Variants in NAALADL2 observed in about 807,000 individuals in gnomAD.
The protein encoded by NAALADL2 is N-acetylated alpha-linked acidic dipeptidase like 2, also known as inactive N-acetylated-alpha-linked acidic dipeptidase-like protein 2.
NAALADL2 carries 76 observed loss-of-function variants against 87.2 expected under a neutral mutation model. That is an observed-to-expected ratio of 0.87 (90% CI 0.72 to 1.05). The LOEUF (loss-of-function observed/expected upper bound fraction) is 1.05. Among genes scored for constraint, NAALADL2 ranks in the 50% least tolerant of loss-of-function variants. The probability of loss-of-function intolerance (pLI) is 0.00; values close to 1 mark genes in which losing one functional copy is unlikely to be tolerated. For synonymous variants in NAALADL2, 354 were observed against 331.0 expected (o/e 1.07, Z -0.75); for missense variants, 1,089 against 945.8 (o/e 1.15, Z -1.99).
chr3:175,067,273 A>AC (rs1318706825), intron 1 of NAALADL2, among the ~76,000 whole-genome samples: 14 of 152,164 alleles, frequency 9.2e-5, no homozygotes, highest in Admixed American at 9.2e-4. Flanking sequence ...GAGCTTTGGC[A>AC]CCGCAAAAGA....
chr3:175,169,473 A>AT (rs879900810), intron 2 of NAALADL2, among the ~76,000 whole-genome samples: 1 of 150,754 alleles, frequency 6.6e-6, no homozygotes, highest in Non-Finnish European at 1.5e-5. Context: ...ATATATATAT[A>AT]ATCTGTTGAC....
intron 9 of NAALADL2, among the ~76,000 whole-genome samples, chr3:175,537,982 A>G (rs1164784234): frequency 6.6e-6 from 1 of 152,186 alleles, no homozygotes; most frequent in Non-Finnish European, 1.5e-5. Flanking sequence ...GGCAAGGATA[A>G]TGTGTCTGAA....
chr3:175,362,492 T>C (rs1186122737), intron 5 of NAALADL2, among the ~76,000 whole-genome samples: 5 of 148,126 alleles, frequency 3.4e-5, no homozygotes, highest in South Asian at 2.2e-4. Flanking sequence ...ATTGTTCCTA[T>C]CCATGAGCAT....
intron 2 of NAALADL2, among the ~76,000 whole-genome samples, chr3:175,125,745 C>T (rs910896670): frequency 6.6e-6 from 1 of 152,002 alleles, no homozygotes; most frequent in Non-Finnish European, 1.5e-5. Context: ...CATCCAAGAA[C>T]ATATGTTAAG....
intron 11 of NAALADL2, among the ~76,000 whole-genome samples, chr3:175,723,489 T>C (rs1286037859): frequency 1.3e-5 from 2 of 152,154 alleles, no homozygotes; most frequent in South Asian, 2.1e-4. Context: ...CATGGTAATA[T>C]GAGTACCAAT....
intron 9 of NAALADL2, among the ~76,000 whole-genome samples, chr3:175,565,955 G>A (rs59272698): frequency 2.0e-5 from 3 of 150,128 alleles, no homozygotes; most frequent in Non-Finnish European, 3.0e-5. Flanking sequence ...TCAGCCTCCC[G>A]AGCAGCTGAG....
At chr3:175,300,204 G>A (rs781378314) in intron 4 of NAALADL2, among the ~76,000 whole-genome samples, 28 of 152,022 alleles carry the variant, frequency 1.8e-4, no homozygotes, top group Non-Finnish European at 3.4e-4. Context: ...TTTTATTGAG[G>A]ATTTCCGCAT....
chr3:175,562,023 A>C (rs563671731), intron 9 of NAALADL2, among the ~76,000 whole-genome samples: 115 of 152,312 alleles, frequency 7.6e-4, no homozygotes, highest in African/African-American at 2.7e-3. Flanking sequence ...CAAAATGCCA[A>C]ATTCAACACA....
At chr3:175,786,010 A>G (rs1421900460) in intron 13 of NAALADL2, among the ~76,000 whole-genome samples, 3 of 152,082 alleles carry the variant, frequency 2.0e-5, no homozygotes, top group African/African-American at 7.2e-5. Context: ...AATTCTTTTA[A>G]GAATGTTGAA....
intron 1 of NAALADL2, among the ~76,000 whole-genome samples, chr3:174,444,159 G>A (rs1215570189): frequency 2.6e-5 from 4 of 152,050 alleles, no homozygotes; most frequent in Admixed American, 1.3e-4. Context: ...GGAGACAGAG[G>A]GGAATGCTGT....
chr3:175,510,368 A>G (rs1730992904), intron 9 of NAALADL2, among the ~76,000 whole-genome samples: 1 of 152,144 alleles, frequency 6.6e-6, no homozygotes, highest in South Asian at 2.1e-4. Flanking sequence ...ATCATATCAG[A>G]ATAAAAATTG....
chr3:175,064,381 G>C (rs1320198011), intron 1 of NAALADL2, among the ~76,000 whole-genome samples: 1 of 151,920 alleles, frequency 6.6e-6, no homozygotes, highest in Non-Finnish European at 1.5e-5. Context: ...ATTTGGGATT[G>C]TATCAGTGAG....
At chr3:174,642,529 A>T (rs994246856) in intron 2 of NAALADL2, among the ~76,000 whole-genome samples, 3 of 145,084 alleles carry the variant, frequency 2.1e-5, no homozygotes, top group Non-Finnish European at 4.5e-5. Context: ...AAAAAAAAGC[A>T]TGTTGCCACA....
intron 3 of NAALADL2, among the ~76,000 whole-genome samples, chr3:174,801,408 C>T (rs1718816706): frequency 6.6e-6 from 1 of 152,152 alleles, no homozygotes; most frequent in Admixed American, 6.5e-5. Flanking sequence ...TCTTCTTTGC[C>T]TTCAGCCATG....
chr3:175,420,198 T>C (rs1431240716), intron 5 of NAALADL2, among the ~76,000 whole-genome samples: 4 of 152,020 alleles, frequency 2.6e-5, no homozygotes, highest in Admixed American at 1.3e-4. Context: ...ATGTTTCTTT[T>C]CTGAAGTACT....
At chr3:174,513,251 G>A (rs1198377974) in intron 1 of NAALADL2, among the ~76,000 whole-genome samples, 3 of 152,038 alleles carry the variant, frequency 2.0e-5, no homozygotes, top group Non-Finnish European at 4.4e-5. Flanking sequence ...CCTGGGTGTG[G>A]CGTGAGCCAC....
intron 2 of NAALADL2, among the ~76,000 whole-genome samples, chr3:175,119,459 G>A (rs995656055): frequency 6.6e-6 from 1 of 151,214 alleles, no homozygotes; most frequent in African/African-American, 2.4e-5. Flanking sequence ...CTACATGGCA[G>A]GACTATAGGA....
chr3:175,411,666 A>C (rs1713543846), intron 5 of NAALADL2, among the ~76,000 whole-genome samples: 1 of 152,176 alleles, frequency 6.6e-6, no homozygotes, highest in African/African-American at 2.4e-5. Context: ...GGGATGGATG[A>C]ACGGGGCAGA....
At chr3:175,117,157 C>A (rs1429685401) in intron 2 of NAALADL2, among the ~76,000 whole-genome samples, 2 of 152,016 alleles carry the variant, frequency 1.3e-5, no homozygotes, top group African/African-American at 4.8e-5. Flanking sequence ...ACCATAAAAA[C>A]CCTAGAATAA....
Sources: gnomAD v4.1 joint callset for allele counts (sites outside exome capture counted in the v4.1 genomes callset) on GRCh38, gnomAD v4.1.1 for gene constraint, MANE v1.5 for transcripts, NCBI Gene and HGNC (gene_info 2026-07-23, HGNC 2026-07-21) for gene names.